The following ASTN2 variants were observed in gnomAD, a reference collection of about 807,000 sequenced individuals.
ASTN2 encodes astrotactin 2, also known as astrotactin-2.
In ASTN2, 54 loss-of-function variants were observed where a neutral mutation model predicts 139.8. That is an observed-to-expected ratio of 0.39 (90% CI 0.31 to 0.48). The LOEUF is 0.48. ASTN2 is among the 20% of genes least tolerant of loss of function. The pLI is 0.95. For missense variants in ASTN2, 1,565 were observed against 1,725.1 expected (o/e 0.91, Z 1.64); for synonymous variants, 756 against 719.5 (o/e 1.05, Z -0.81).
chr9:116,441,470 C>T (rs1351874341), intron 21 of ASTN2, among the ~76,000 whole-genome samples: 1 of 151,674 alleles, frequency 6.6e-6, no homozygotes. Context: ...CACTATGCTC[C>T]TCCCATTATG....
At chr9:116,440,194 T>C (rs529181564) in intron 22 of ASTN2, among the ~76,000 whole-genome samples, 2 of 152,232 alleles carry the variant, frequency 1.3e-5, no homozygotes, top group East Asian at 3.9e-4. Context: ...GTCAAAATCA[T>C]AGCTATTTAC....
At position 117,249,060 on chromosome 9, in the gene ASTN2, G is replaced by A. The variant is rs184055920; in HGVS notation, c.631-34318C>T. 6.6e-5 allele frequency among the ~76,000 whole-genome samples: 10 copies of A among 152,320 alleles called. No individual in the cohort carries two copies. The East Asian group carries it at 1.9e-3, about 29-fold the overall frequency. On this transcript the variant is annotated intron_variant, in intron 2 of 22. Transcript: ENST00000313400. The stretch of plus-strand genomic sequence containing the variant: ...TGCTTTCTAATAAATTTTTCAGTGA[G>A]TATTTAAAACACCTGTTCTCCTGAG...
intron 14 of ASTN2, among the ~76,000 whole-genome samples, chr9:116,730,009 G>A (rs989653455): frequency 2.6e-5 from 4 of 152,122 alleles, no homozygotes; most frequent in East Asian, 3.8e-4. Flanking sequence ...AACTTTGGGC[G>A]GTGGTAAATG....
At chr9:116,584,633 A>G (rs1215979958) in intron 19 of ASTN2, 1 of 152,220 alleles carries the variant, frequency 6.6e-6, no homozygotes, top group Non-Finnish European at 1.5e-5. Flanking sequence ...AAATTAGAAA[A>G]AAGGCAAAGA....
chr9:117,208,399 C>T (rs1028376093), intron 3 of ASTN2, among the ~76,000 whole-genome samples: 2 of 148,602 alleles, frequency 1.3e-5, no homozygotes, highest in African/African-American at 5.0e-5. Flanking sequence ...TAGACTAGGG[C>T]AAGCAGAAAA....
chr9:117,410,224 CAAG>C (rs1016239316), intron 1 of ASTN2, among the ~76,000 whole-genome samples: 2 of 152,136 alleles, frequency 1.3e-5, no homozygotes, highest in African/African-American at 4.8e-5. Flanking sequence ...TCAAGCACAG[CAAG>C]AAGGATGACA....
Position 117,180,589 on chromosome 9 carries a change from T to G in ASTN2, c.1015+33769A>C, listed in dbSNP as rs1220409710. The stretch of plus-strand genomic sequence containing the variant: ...GCAATCATTTATTGACTGCTTACTA[T>G]GCACCGAGCACCATTCTAAACAACT... On this transcript the variant is annotated intron_variant, in intron 3 of 22. Transcript: ENST00000313400. The G allele has an allele frequency of 3.3e-6, 3 of 906,012 alleles. No individual in the cohort carries two copies. The African/African-American group carries it at 5.1e-5, about 15-fold the overall frequency. 56.1% of individuals were successfully genotyped at this position (906,012 alleles called of 1,614,324 possible).
intron 11 of ASTN2, among the ~76,000 whole-genome samples, chr9:116,845,957 AAGGT>A (rs1324314032): frequency 6.6e-6 from 1 of 152,250 alleles, no homozygotes; most frequent in South Asian, 2.1e-4. Flanking sequence ...AATAGCCTAA[AAGGT>A]AGGAACAACC....
intron 1 of ASTN2, among the ~76,000 whole-genome samples, chr9:117,316,968 C>G (rs1828163451): frequency 1.3e-5 from 2 of 152,012 alleles, no homozygotes; most frequent in African/African-American, 2.4e-5. Flanking sequence ...AATGGAGAGC[C>G]CTCTGGCTCT....
At chr9:117,092,792 A>G (rs948070611) in intron 5 of ASTN2, among the ~76,000 whole-genome samples, 1 of 152,150 alleles carries the variant, frequency 6.6e-6, no homozygotes, top group Non-Finnish European at 1.5e-5. Flanking sequence ...GGAACTGCTG[A>G]GTCATTGCCT....
chr9:117,408,555 AAGC>A (rs1287820265), intron 1 of ASTN2, among the ~76,000 whole-genome samples: 6 of 152,282 alleles, frequency 3.9e-5, no homozygotes, highest in African/African-American at 1.4e-4. Flanking sequence ...AGGAGGTGAG[AAGC>A]AGGAGGCCTT....
At chr9:117,166,919 G>A (rs2132914931) in intron 3 of ASTN2, among the ~76,000 whole-genome samples, 1 of 152,198 alleles carries the variant, frequency 6.6e-6, no homozygotes, top group South Asian at 2.1e-4. Context: ...GGATAATTAT[G>A]TTGACAACAT....
chr9:117,057,860 T>C (rs1839107405), intron 5 of ASTN2, among the ~76,000 whole-genome samples: 1 of 152,196 alleles, frequency 6.6e-6, no homozygotes, highest in Non-Finnish European at 1.5e-5. Context: ...ATTTCTGTTT[T>C]TGTAGTATCA....
chr9:117,110,997 G>C (rs1025222828), intron 4 of ASTN2, among the ~76,000 whole-genome samples: 3 of 152,200 alleles, frequency 2.0e-5, no homozygotes. Flanking sequence ...GTGAAAGGCA[G>C]GCCCTGACAG....
intron 19 of ASTN2, among the ~76,000 whole-genome samples, chr9:116,563,872 T>C (rs1200276346): frequency 6.6e-6 from 1 of 152,222 alleles, no homozygotes; most frequent in East Asian, 1.9e-4. Flanking sequence ...TTTGGTTAAC[T>C]GCTGATACCA....
In ASTN2 at chr9:116,699,630, C is replaced by T. The variant is rs1472220331; in HGVS notation, c.2806+26141G>A. ...CATAGCCCTAACTCCTAAGGGGCAG[C>T]TGCTGGTCTTGGACTGTTGGGATCA... On this transcript the variant is annotated intron_variant, in intron 16 of 22. Transcript: ENST00000313400. This position sits in a 1 kb window ranked among gnomAD's most constrained non-coding sequence, Gnocchi z 4.2. The T allele has an allele frequency of 6.2e-7, 1 of 1,614,082 alleles. No homozygotes were observed. Among genetic ancestry groups the T allele is most frequent in the Non-Finnish European group, 8.5e-7 (1 of 1,180,042 alleles).
intron 19 of ASTN2, among the ~76,000 whole-genome samples, chr9:116,572,284 G>A (rs1239942383): frequency 6.6e-6 from 1 of 152,166 alleles, no homozygotes. Context: ...AAGGTCAGCT[G>A]GCCGCCTTCC....
chr9:116,965,781 G>A (rs1479136748), intron 10 of ASTN2, among the ~76,000 whole-genome samples: 2 of 152,304 alleles, frequency 1.3e-5, no homozygotes, highest in Middle Eastern at 3.4e-3. Flanking sequence ...TGCAGGAAGT[G>A]AGGGAGAAGC....
At chr9:117,066,128 A>C (rs1827932215) in intron 5 of ASTN2, among the ~76,000 whole-genome samples, 1 of 138,726 alleles carries the variant, frequency 7.2e-6, no homozygotes, top group South Asian at 2.6e-4. Flanking sequence ...CTAACTCGTC[A>C]TCTAGCATTA....
Sources: allele counts gnomAD v4.1 joint callset (sites outside exome capture counted in the v4.1 genomes callset), GRCh38; gene constraint gnomAD v4.1.1; non-coding constraint Gnocchi (gnomAD v3.1); transcripts MANE v1.5; gene names NCBI Gene and HGNC (gene_info 2026-07-23, HGNC 2026-07-21).